GDAP1: variants seen among roughly 807,000 people sequenced by gnomAD.
GDAP1 encodes ganglioside induced differentiation associated protein 1, also known as ganglioside-induced differentiation-associated protein 1.
A neutral mutation model predicts 40.1 loss-of-function variants in GDAP1; 34 were observed. That is an observed-to-expected ratio of 0.85 (90% CI 0.64 to 1.13). The LOEUF (loss-of-function observed/expected upper bound fraction) is 1.13, where lower values mean the gene tolerates loss of function less well. Among genes scored for constraint, GDAP1 ranks in the 50% most tolerant of loss-of-function variants. The pLI is 0.00. For synonymous variants in GDAP1, 170 were observed against 157.4 expected (o/e 1.08, Z -0.60); for missense variants, 374 against 433.7 (o/e 0.86, Z 1.22).
rs531701762 is a variant in GDAP1, at chr8:74,399,856, G to A, written c.165+48535G>A. Among the ~76,000 whole-genome samples, 12 of 141,130 alleles carry A rather than the reference G, an allele frequency of 8.5e-5. No homozygotes were observed. The East Asian group carries it at 1.8e-3, about 21-fold the overall frequency. The allele number at this position is 141,130 out of a possible 152,430, so 92.6% of individuals were successfully genotyped here. A position where few individuals can be genotyped will look rare whatever the true frequency, so the allele number is the denominator to read the frequency against. ...TTGTTCAGTTTCCATGTAGTTGAGC[G>A]GTTTTGAGTGAGTTTCTTAATCCTG... is the stretch of plus-strand genomic sequence containing the variant. On this transcript the variant is annotated intron_variant, in intron 2 of 2. Coordinates refer to the GDAP1 transcript ENST00000523640.
intron 2 of GDAP1, among the ~76,000 whole-genome samples, chr8:74,356,501 CTGATA>C (rs1285450272): frequency 6.6e-6 from 1 of 151,878 alleles, no homozygotes; most frequent in African/African-American, 2.4e-5. Context: ...ATACAGTGAA[CTGATA>C]TAATTTGACA....
At position 74,363,028 on chromosome 8, in the gene GDAP1, G is replaced by A. The variant is rs772784810; in HGVS notation, c.669G>A (p.Leu223=). ...EKVLDQVETE[L]QRRNEETPEE... ...TCTTGGATCAGGTTGAAACTGAATT[G>A]CAAAGAAGAAATGAAGAAACCCCAG... Residue 223 remains leucine (L), a synonymous_variant, in exon 5 of 6, where the codon TTG becomes TTA. Transcript: ENST00000220822. 1 of 1,547,418 alleles carries A rather than the reference G, an allele frequency of 6.5e-7. No homozygotes were observed. The highest frequency in any genetic ancestry group is 1.1e-5 in the South Asian group (1 of 89,604).
chr8:74,382,070 C>T (rs948395620), intron 2 of GDAP1, among the ~76,000 whole-genome samples: 1 of 151,922 alleles, frequency 6.6e-6, no homozygotes, highest in Non-Finnish European at 1.5e-5. Context: ...TCAAAGATGA[C>T]TAATGAGGGT....
chr8:74,362,782 CTCTT>C (rs1809431953), intron 4 of GDAP1, among the ~76,000 whole-genome samples, 153 bp from the exon 5 acceptor site: 1 of 30,458 alleles, frequency 3.3e-5, no homozygotes, highest in African/African-American at 7.4e-5. Flanking sequence ...CTCTCTCTCT[CTCTT>C]TTTTTTTTTT....
chr8:74,447,503 A>ATACCTTACCTCGTGATGGCT, intron 2 of GDAP1, among the ~76,000 whole-genome samples: 1 of 152,260 alleles, frequency 6.6e-6, no homozygotes, highest in African/African-American at 2.4e-5. Flanking sequence ...GGAAAATATC[A>ATACCTTACCTCGTGATGGCT]TACCTTACCT....
intron 2 of GDAP1, among the ~76,000 whole-genome samples, chr8:74,375,003 A>G (rs935582847): frequency 1.3e-5 from 2 of 152,344 alleles, no homozygotes; most frequent in African/African-American, 2.4e-5. Context: ...TGAGACCAGT[A>G]TAACCCTGAT....
intron 2 of GDAP1, among the ~76,000 whole-genome samples, chr8:74,416,182 T>C (rs1357983677): frequency 1.3e-5 from 2 of 149,836 alleles, no homozygotes; most frequent in Non-Finnish European, 2.9e-5. Flanking sequence ...TATTGTGCCA[T>C]ATGTGGGAAG....
At chr8:74,397,254 T>TAA (rs1810224028) in intron 2 of GDAP1, among the ~76,000 whole-genome samples, 1 of 151,744 alleles carries the variant, frequency 6.6e-6, no homozygotes, top group African/African-American at 2.4e-5. Context: ...TTCTGGATAT[T>TAA]AGCCCTTTGT....
intron 2 of GDAP1, among the ~76,000 whole-genome samples, chr8:74,404,998 T>C (rs1037528286): frequency 1.3e-5 from 2 of 150,166 alleles, no homozygotes; most frequent in Non-Finnish European, 2.9e-5. Context: ...AATTATATTA[T>C]GTATATTTGT....
chr8:74,412,619 T>C (rs940107743), intron 2 of GDAP1, among the ~76,000 whole-genome samples: 1 of 149,966 alleles, frequency 6.7e-6, no homozygotes, highest in African/African-American at 2.5e-5. Flanking sequence ...TTACTGTCAA[T>C]CTAGAATTTA....
chr8:74,361,695 G>A lies in GDAP1; in HGVS notation c.485-189G>A, dbSNP rs186656692. 7.9e-5 allele frequency among the ~76,000 whole-genome samples: 12 copies of A among 152,178 alleles called. 1 individual carries two copies. In the East Asian group the frequency reaches 1.5e-3, roughly 20 times the overall value. On this transcript the variant is annotated intron_variant, in intron 3 of 5. Coordinates refer to ENST00000220822, the MANE Select transcript of GDAP1 (RefSeq NM_018972.4). ...CAGGTGTGAGCCACCGCGCCCAGCC[G>A]GCAGATACTCTTATGGTTCCATTTG...
intron 2 of GDAP1, among the ~76,000 whole-genome samples, chr8:74,476,282 C>T (rs1343879202): frequency 1.3e-5 from 2 of 152,112 alleles, no homozygotes; most frequent in Non-Finnish European, 1.5e-5. Flanking sequence ...ATGCCATTTA[C>T]ATTCAAGGTT....
At chr8:74,432,004 T>G (rs1806032745) in intron 2 of GDAP1, among the ~76,000 whole-genome samples, 1 of 152,198 alleles carries the variant, frequency 6.6e-6, no homozygotes, top group Admixed American at 6.5e-5. Context: ...TGGAGCACAT[T>G]TTGTCACACG....
At chr8:74,464,314 A>T (rs1225144664) in intron 2 of GDAP1, among the ~76,000 whole-genome samples, 1 of 152,206 alleles carries the variant, frequency 6.6e-6, no homozygotes, top group Non-Finnish European at 1.5e-5. Context: ...ATTCATGGTG[A>T]CTTGATAAGT....
chr8:74,480,990 G>A (rs1162004823), intron 2 of GDAP1, among the ~76,000 whole-genome samples: 1 of 152,198 alleles, frequency 6.6e-6, no homozygotes, highest in African/African-American at 2.4e-5. Flanking sequence ...GAAAAAACTA[G>A]TAGTTGATAT....
chr8:74,427,844 C>T (rs993465734), intron 2 of GDAP1, among the ~76,000 whole-genome samples: 1 of 151,960 alleles, frequency 6.6e-6, no homozygotes, highest in East Asian at 1.9e-4. Context: ...GAATTTTGTG[C>T]CTTGTGCATA....
At chr8:74,373,952 A>T (rs936591674) in intron 2 of GDAP1, among the ~76,000 whole-genome samples, 1 of 152,160 alleles carries the variant, frequency 6.6e-6, no homozygotes, top group Non-Finnish European at 1.5e-5. Flanking sequence ...ATTTATTGAG[A>T]GTTTTTAGCA....
downstream of GDAP1, among the ~76,000 whole-genome samples, chr8:74,367,793 G>A (rs1809686122): frequency 6.6e-6 from 1 of 152,170 alleles, no homozygotes; most frequent in African/African-American, 2.4e-5. Context: ...ATGAAGAGAA[G>A]GAGTGAAAGA....
intron 2 of GDAP1, among the ~76,000 whole-genome samples, chr8:74,359,837 TAGG>T (rs1015487927): frequency 3.3e-5 from 5 of 152,152 alleles, no homozygotes; most frequent in African/African-American, 9.7e-5. Context: ...TTGGCAGTTG[TAGG>T]AGGTTAGGGA....
Sources: allele counts gnomAD v4.1 joint callset (sites outside exome capture counted in the v4.1 genomes callset), GRCh38; gene constraint gnomAD v4.1.1; transcripts MANE v1.5; gene names NCBI Gene and HGNC (gene_info 2026-07-23, HGNC 2026-07-21).